The following AP3M2 variants were observed in gnomAD, a reference collection of about 807,000 sequenced individuals.
The protein encoded by AP3M2 is AP-3 complex subunit mu-2.
In AP3M2, 28 loss-of-function variants were observed where a neutral mutation model predicts 41.6. The observed-to-expected ratio is 0.67, with a 90% CI of 0.50 to 0.92. The LOEUF (loss-of-function observed/expected upper bound fraction) is 0.92, where lower values mean the gene tolerates loss of function less well. AP3M2 is among the 40% of genes least tolerant of loss of function. The probability of loss-of-function intolerance (pLI) is 0.00; values close to 1 mark genes in which losing one functional copy is unlikely to be tolerated. For synonymous variants in AP3M2, 193 were observed against 186.4 expected, an observed-to-expected ratio of 1.04 and a Z score of -0.29; for missense variants, 427 against 521.4, an observed-to-expected ratio of 0.82 and a Z score of 1.76.
chr8:42,167,212 C>A lies in AP3M2; in HGVS notation c.852C>A (p.Asp284Glu). The A allele has an allele frequency of 1.2e-6, 2 of 1,614,094 alleles. No individual in the cohort carries two copies. Among genetic ancestry groups the A allele is most frequent in the South Asian group, 2.2e-5 (2 of 91,080 alleles). ...VYVKHNISFR[D>E]SSSLGRFEIT... The stretch of plus-strand genomic sequence containing the variant: ...TCAAACATAACATCAGTTTCCGGGA[C>A]AGTAGTTCCCTTGGACGCTTTGAAA... Residue 284 changes from aspartate to glutamate, a missense_variant, in exon 7 of 9, where the codon GAC becomes GAA. Physicochemically the swap from Asp to Glu is conservative, Grantham distance 45. This residue lies in a region of AP3M2 where 237 missense variants were observed against 284.9 expected (regional missense o/e 0.83). Coordinates refer to ENST00000396926, the MANE Select transcript of AP3M2 (RefSeq NM_006803.4).
Position 42,154,656 on chromosome 8 carries a change from A to G in AP3M2, c.-32A>G, listed in dbSNP as rs1391742769. ...GAGTCCTGAGGCTTTCAGACTGAAA[A>G]AGGCTTTCTTCTGTCACTGACAATC... On this transcript the variant is annotated 5_prime_UTR_variant, in exon 2 of 9. Transcript: ENST00000396926. The G allele has an allele frequency of 3.7e-6, 6 of 1,607,874 alleles. No individual in the cohort carries two copies. The highest frequency in any genetic ancestry group is 5.1e-6 in the Non-Finnish European group (6 of 1,176,960).
At chr8:42,155,466 A>G (rs116558786) in intron 2 of AP3M2, among the ~76,000 whole-genome samples, 1,795 of 152,328 alleles carry the variant, frequency 0.012, 29 homozygotes, top group South Asian at 0.054. Context: ...GGTACTGATG[A>G]GCTCTGCTTG....
intron 4 of AP3M2, among the ~76,000 whole-genome samples, chr8:42,164,156 A>C (rs569932884): frequency 1.3e-5 from 2 of 152,344 alleles, no homozygotes; most frequent in Admixed American, 6.5e-5. Flanking sequence ...TGAGTCCTCG[A>C]AAAGAAAGGA....
At position 42,169,159 on chromosome 8, in the gene AP3M2, C is replaced by A; in HGVS notation, c.*98C>A. 1.1e-6 allele frequency: 1 copy of A among 929,636 alleles called. No homozygotes were observed. Among genetic ancestry groups the A allele is most frequent in the Non-Finnish European group, 1.6e-6 (1 of 635,002 alleles). 57.6% of individuals were successfully genotyped at this position (929,636 alleles called of 1,614,324 possible). On this transcript the variant is annotated 3_prime_UTR_variant, in exon 9 of 9. Transcript: ENST00000396926. ...TCAGCCTGTCTCCTAGGTCAGTCCCCTCCTGGACCCACCCGCTCCCTTTTT... is the reference window on the plus strand; with the variant it reads ...TCAGCCTGTCTCCTAGGTCAGTCCCATCCTGGACCCACCCGCTCCCTTTTT...
In AP3M2 at chr8:42,154,817, A is replaced by G; in HGVS notation, c.130A>G (p.Asn44Asp). The G allele has an allele frequency of 6.2e-7, 1 of 1,614,094 alleles. No homozygotes were observed. Among genetic ancestry groups the G allele is most frequent in the Non-Finnish European group, 8.5e-7 (1 of 1,180,016 alleles). ...EAQERATEAE[N>D]VPPVIPTPHH... Reference sequence around the variant, plus strand: ...GCAAGAGAGAGCTACTGAGGCAGAAAATGTGCCTCCGGTTATCCCTACCCC... The same window carrying G: ...GCAAGAGAGAGCTACTGAGGCAGAAGATGTGCCTCCGGTTATCCCTACCCC... Residue 44 changes from asparagine to aspartate, a missense_variant, in exon 2 of 9, where the codon AAT (asparagine) becomes GAT (aspartate). By Grantham distance (23) the Asn-to-Asp change is conservative. Transcript: ENST00000396926.
At chr8:42,154,573 C>T in intron 1 of AP3M2, 43 bp from the exon 2 acceptor site, 2 of 1,466,538 alleles carry the variant, frequency 1.4e-6, no homozygotes, top group Non-Finnish European at 1.8e-6. Context: ...TGGGGAGGGC[C>T]TTTTGGTTGA....
chr8:42,168,547 T>G (rs1364649304), intron 8 of AP3M2, among the ~76,000 whole-genome samples: 2 of 152,234 alleles, frequency 1.3e-5, no homozygotes, highest in Non-Finnish European at 2.9e-5. Flanking sequence ...CTTGGCTTAG[T>G]CTAGTGAGAA....
chr8:42,158,832 T>A (rs1447168293), intron 3 of AP3M2, among the ~76,000 whole-genome samples: 1 of 151,632 alleles, frequency 6.6e-6, no homozygotes, highest in African/African-American at 2.4e-5. Flanking sequence ...CTTGCTCTGT[T>A]GCCCAGGATG....
rs552895671 is a variant in AP3M2 at position 42,154,800 on chromosome 8, G to A, written c.113G>A (p.Arg38Lys). 19 of 1,614,158 alleles carry A rather than the reference G, an allele frequency of 1.2e-5. No individual in the cohort carries two copies. Among genetic ancestry groups the A allele is most frequent in the Admixed American group, 1.7e-5 (1 of 60,020 alleles). Residue 38 changes from arginine (R) to lysine (K), a missense_variant, in exon 2 of 9, where the codon AGA becomes AAA. Coordinates refer to ENST00000396926, the MANE Select transcript of AP3M2 (RefSeq NM_006803.4). ...GATTACTTTTTTGAGGCGCAAGAGA[G>A]AGCTACTGAGGCAGAAAATGTGCCT... ...VCDYFFEAQE[R>K]ATEAENVPPV...
In AP3M2 at chr8:42,162,205, A is replaced by G. The variant is rs1170919323; in HGVS notation, c.446-76A>G. 8 of 1,421,140 alleles carry G rather than the reference A, an allele frequency of 5.6e-6. No homozygotes were observed. In the East Asian group the frequency reaches 9.7e-5, roughly 17 times the overall value. The allele number at this position is 1,421,140 out of a possible 1,614,324, so 88.0% of individuals were successfully genotyped here. A position where few individuals can be genotyped will look rare whatever the true frequency, so the allele number is the denominator to read the frequency against. The stretch of plus-strand genomic sequence containing the variant: ...TTGAGTGCATGAATAGTGGGAGCAT[A>G]GAAACTTCTAGGGAGGTGTTCTGTG... On this transcript the variant is annotated intron_variant, in intron 3 of 8. Transcript: ENST00000396926.
chr8:42,165,688 A>G (rs527619269), intron 6 of AP3M2, 128 bp downstream of exon 6: 8 of 1,193,756 alleles, frequency 6.7e-6, no homozygotes, highest in East Asian at 4.7e-5. Context: ...GTGGTTACTA[A>G]TTGGGTAACC....
At chr8:42,153,320 C>G (rs1243084646) in intron 1 of AP3M2, 1 of 152,028 alleles carries the variant, frequency 6.6e-6, no homozygotes, top group Non-Finnish European at 1.5e-5. Flanking sequence ...AGCGCACGTG[C>G]GCTCGCTGGC....
chr8:42,158,247 GTTGT>G (rs1265853535), intron 3 of AP3M2, 135 bp downstream of exon 3: 5,410 of 371,890 alleles, frequency 0.015, 30 homozygotes, highest in African/African-American at 0.031. Flanking sequence ...GCTCTTTGTA[GTTGT>G]TTTTTTTTTT....
intron 2 of AP3M2, among the ~76,000 whole-genome samples, chr8:42,157,144 T>C (rs1396028430): frequency 2.0e-5 from 3 of 152,208 alleles, no homozygotes; most frequent in African/African-American, 4.8e-5. Flanking sequence ...TCTTGCTAAA[T>C]AATGATCACG....
chr8:42,167,148 T>A lies in AP3M2; in HGVS notation c.804-16T>A, dbSNP rs1472403622. 1 of 1,609,330 alleles carries A rather than the reference T, an allele frequency of 6.2e-7. No homozygotes were observed. The highest frequency in any genetic ancestry group is 8.5e-7 in the Non-Finnish European group (1 of 1,175,614). ...CCAGTGCACGAATGAAATGACTCTTTGTCTCTCATTTCCAGTCTGGTTGCA... is the reference window on the plus strand; with the variant it reads ...CCAGTGCACGAATGAAATGACTCTTAGTCTCTCATTTCCAGTCTGGTTGCA... On this transcript the variant is annotated splice_polypyrimidine_tract_variant and intron_variant, in intron 6 of 8. Transcript: ENST00000396926.
At position 42,165,509 on chromosome 8, in the gene AP3M2, T is replaced by G; in HGVS notation, c.752T>G (p.Ile251Ser). ...RWESERILSF[I>S]PPDGNFRLLS... ...GAATCTGAGCGCATCCTCTCCTTCA[T>G]CCCTCCTGATGGAAACTTCCGCCTG... The change falls in exon 6 of 9, where the codon ATC becomes AGC. Residue 251 changes from isoleucine to serine, a missense_variant. Physicochemically the swap from Ile to Ser is moderately radical, Grantham distance 142. Around this residue, in one of 3 missense-constraint regions of AP3M2, gnomAD observed 237 missense variants for 284.9 expected, o/e 0.83. Transcript: ENST00000396926. The G allele has an allele frequency of 6.2e-7, 1 of 1,614,138 alleles. No individual in the cohort carries two copies. Among genetic ancestry groups the G allele is most frequent in the Non-Finnish European group, 8.5e-7 (1 of 1,180,004 alleles).
At chr8:42,165,892 G>A (rs1804626740) in intron 6 of AP3M2, 2 of 210,492 alleles carry the variant, frequency 9.5e-6, no homozygotes, top group South Asian at 1.3e-4. Context: ...CAGAATCTGG[G>A]CATACTGTGT....
intron 3 of AP3M2, among the ~76,000 whole-genome samples, chr8:42,159,558 A>G (rs1451681714): frequency 1.3e-5 from 2 of 151,690 alleles, no homozygotes; most frequent in African/African-American, 2.4e-5. Flanking sequence ...TTGTTGTTGA[A>G]ATGTATTTCT....
chr8:42,158,055 C>A lies in AP3M2; in HGVS notation c.388C>A (p.Leu130Ile). Residue 130 changes from leucine (L) to isoleucine (I), a missense_variant, in exon 3 of 9, where the codon CTT becomes ATT. Leu to Ile is a conservative substitution (Grantham distance 5). Coordinates refer to ENST00000396926, the MANE Select transcript of AP3M2 (RefSeq NM_006803.4). ...TCCATTGGCTACCGAGTCGAACATT[C>A]TTAAAGAACTCATAAAGCCTCCTAC... is the stretch of plus-strand genomic sequence containing the variant. ...GFPLATESNI[L>I]KELIKPPTIL... The A allele has an allele frequency of 1.9e-6, 3 of 1,614,072 alleles. No individual in the cohort carries two copies. Among genetic ancestry groups the A allele is most frequent in the Non-Finnish European group, 2.5e-6 (3 of 1,180,000 alleles).
Sources: allele counts gnomAD v4.1 joint callset (sites outside exome capture counted in the v4.1 genomes callset), GRCh38; gene constraint gnomAD v4.1.1; regional missense constraint gnomAD v4.1.1; transcripts MANE v1.5; gene names NCBI Gene and HGNC (gene_info 2026-07-23, HGNC 2026-07-21).